Variants in S100A16 observed in about 807,000 individuals in gnomAD.
S100A16 encodes the protein protein S100-A16.
A neutral mutation model predicts 9.0 loss-of-function variants in S100A16; 8 were observed. The ratio of observed to expected loss-of-function variants is 0.89; its 90% CI spans 0.52 to 1.60. S100A16 has a LOEUF of 1.60. Ranked by LOEUF, S100A16 falls within the 40% of genes most tolerant of loss-of-function variation. The probability of loss-of-function intolerance (pLI) is 0.00; values close to 1 mark genes in which losing one functional copy is unlikely to be tolerated. For missense variants in S100A16, 138 were observed against 132.4 expected (o/e 1.04, Z -0.21); for synonymous variants, 51 against 51.4 (o/e 0.99, Z 0.04).
At position 153,607,081 on chromosome 1, in the gene S100A16, A is replaced by C; in HGVS notation, c.*453T>G. The C allele has an allele frequency of 2.3e-6, 1 of 429,556 alleles. No individual in the cohort carries two copies. The highest frequency in any genetic ancestry group is 4.7e-6 in the Non-Finnish European group (1 of 214,856). The allele number at this position is 429,556 out of a possible 1,614,324, so 26.6% of individuals were successfully genotyped here. On this transcript the variant is annotated 3_prime_UTR_variant, in exon 3 of 3. Coordinates refer to ENST00000368706, the MANE Select transcript of S100A16 (RefSeq NM_080388.3). ...TCTACCCAGCAGAGGGGCTAAGGGA[A>C]AGTGGAGAGGTCTCTGCTGCTGCTG...
In S100A16 at chr1:153,606,996, C is replaced by A; in HGVS notation, c.*538G>T. On this transcript the variant is annotated 3_prime_UTR_variant, in exon 3 of 3. Transcript: ENST00000368706. Reference sequence around the variant, plus strand: ...TTTCAAGCAACAGGAGGAGGCTCAGCCTTGCTTAGCTCATTCCCAGATGAA... The same window carrying A: ...TTTCAAGCAACAGGAGGAGGCTCAGACTTGCTTAGCTCATTCCCAGATGAA... The A allele has an allele frequency of 3.6e-6, 1 of 278,500 alleles. No individual in the cohort carries two copies. Among genetic ancestry groups the A allele is most frequent in the Non-Finnish European group, 7.3e-6 (1 of 137,842 alleles). 17.3% of individuals were successfully genotyped at this position (278,500 alleles called of 1,614,324 possible). A position where few individuals can be genotyped will look rare whatever the true frequency, so the allele number is the denominator to read the frequency against.
At chr1:153,612,578 T>A (rs1475440992) in intron 1 of S100A16, among the ~76,000 whole-genome samples, 8 of 152,076 alleles carry the variant, frequency 5.3e-5, no homozygotes. Flanking sequence ...GCAAGGCCTG[T>A]GTCCAAGCTC....
At chr1:153,608,245 C>T in intron 1 of S100A16, 68 bp from the exon 2 acceptor site, 3 of 1,387,618 alleles carry the variant, frequency 2.2e-6, no homozygotes, top group South Asian at 2.6e-5. Context: ...CCTCCACACC[C>T]ACCCTAGGCC....
chr1:153,607,927 C>A, intron 2 of S100A16, 72 bp downstream of exon 2: 6 of 1,504,494 alleles, frequency 4.0e-6, no homozygotes, highest in Non-Finnish European at 5.5e-6. Context: ...GGGAAAGACA[C>A]CCTCAGAGGC....
At chr1:153,607,936 G>T in intron 2 of S100A16, 63 bp downstream of exon 2, 1 of 1,541,864 alleles carries the variant, frequency 6.5e-7, no homozygotes, top group Non-Finnish European at 8.9e-7. Context: ...ACCCTCAGAG[G>T]CCAGAGGCTT....
intron 1 of S100A16, among the ~76,000 whole-genome samples, chr1:153,610,287 C>G (rs1344605235): frequency 6.6e-6 from 1 of 152,164 alleles, no homozygotes; most frequent in Non-Finnish European, 1.5e-5. Context: ...GAGAAACTCC[C>G]CACACTTAAC....
intron 1 of S100A16, among the ~76,000 whole-genome samples, chr1:153,609,729 G>A (rs992672454): frequency 3.9e-5 from 6 of 152,146 alleles, no homozygotes; most frequent in African/African-American, 1.2e-4. Flanking sequence ...CAAGGTACAC[G>A]TTCTATAAAT....
In S100A16 at chr1:153,608,050, G is replaced by A; in HGVS notation, c.102C>T (p.Ser34=). 3.1e-6 allele frequency: 5 copies of A among 1,614,076 alleles called. No homozygotes were observed. The highest frequency in any genetic ancestry group is 2.2e-5 in the East Asian group (1 of 44,880). ...GGAGCATCTCGCGGAAGCTGCTCTT[G>A]CTGATCTTGTTCTTGACCAGGCTGT... ...SKYSLVKNKI[S]KSSFREMLQK... The change falls in exon 2 of 3, where the codon AGC becomes AGT. Residue 34 remains serine, a synonymous_variant. Coordinates refer to ENST00000368706, the MANE Select transcript of S100A16 (RefSeq NM_080388.3).
In S100A16 at chr1:153,607,315, A is replaced by G; in HGVS notation, c.*219T>C. ...ATTGAGATCTCACAGAGGGGCCCCA[A>G]GGGCCTGCGACTCCAGGAGCTGAGA... On this transcript the variant is annotated 3_prime_UTR_variant, in exon 3 of 3. Coordinates refer to ENST00000368706, the MANE Select transcript of S100A16 (RefSeq NM_080388.3). 1.6e-6 allele frequency: 1 copy of G among 616,112 alleles called. No individual in the cohort carries two copies. Among genetic ancestry groups the G allele is most frequent in the Non-Finnish European group, 2.8e-6 (1 of 354,000 alleles). 38.2% of individuals were successfully genotyped at this position (616,112 alleles called of 1,614,324 possible).
At chr1:153,607,749 G>A (rs1666729715) in intron 2 of S100A16, 57 bp from the exon 3 acceptor site, 5 of 1,601,450 alleles carry the variant, frequency 3.1e-6, no homozygotes, top group Admixed American at 1.7e-5. Context: ...GAGACTCCAG[G>A]CAGGACCCTA....
chr1:153,610,456 T>C (rs1398512709), intron 1 of S100A16, among the ~76,000 whole-genome samples: 1 of 152,130 alleles, frequency 6.6e-6, no homozygotes, highest in African/African-American at 2.4e-5. Flanking sequence ...CTCTGAGCTG[T>C]CTCCTCCTGG....
chr1:153,609,056 A>G, intron 1 of S100A16: 2 of 985,738 alleles, frequency 2.0e-6, no homozygotes, highest in Non-Finnish European at 2.4e-6. Flanking sequence ...TGAGGGGAGC[A>G]GGCGGATCTG....
At chr1:153,608,682 G>T (rs968754066) in intron 1 of S100A16, among the ~76,000 whole-genome samples, 28 of 152,220 alleles carry the variant, frequency 1.8e-4, no homozygotes, top group African/African-American at 6.5e-4. Flanking sequence ...GGAAGATGTA[G>T]GCCTTCCCCA....
chr1:153,611,428 C>T (rs1666833237), intron 1 of S100A16, among the ~76,000 whole-genome samples: 1 of 152,000 alleles, frequency 6.6e-6, no homozygotes, highest in African/African-American at 2.4e-5. Flanking sequence ...AGACTCCTGT[C>T]CCTCCTGGTC....
Position 153,607,317 on chromosome 1 carries a change from G to T in S100A16, c.*217C>A. 1.6e-6 allele frequency: 1 copy of T among 618,556 alleles called. No homozygotes were observed. The highest frequency in any genetic ancestry group is 2.8e-6 in the Non-Finnish European group (1 of 356,106). 38.3% of individuals were successfully genotyped at this position (618,556 alleles called of 1,614,324 possible). A position where few individuals can be genotyped will look rare whatever the true frequency, so the allele number is the denominator to read the frequency against. On this transcript the variant is annotated 3_prime_UTR_variant, in exon 3 of 3. Coordinates refer to ENST00000368706, the MANE Select transcript of S100A16 (RefSeq NM_080388.3). ...TGAGATCTCACAGAGGGGCCCCAAG[G>T]GCCTGCGACTCCAGGAGCTGAGACC... is the stretch of plus-strand genomic sequence containing the variant.
At chr1:153,609,090 C>T in intron 1 of S100A16, 1 of 985,764 alleles carries the variant, frequency 1.0e-6, no homozygotes, top group Non-Finnish European at 1.2e-6. Flanking sequence ...AGTCACGGCC[C>T]ATGCCCAAAA....
In S100A16 at chr1:153,608,291, GAGA is replaced by G. The variant is rs989705690; in HGVS notation, c.-26-117_-26-115del. On this transcript the variant is annotated intron_variant, in intron 1 of 2. Coordinates refer to ENST00000368706, the MANE Select transcript of S100A16 (RefSeq NM_080388.3). ...CCTCCTGCCTTGTTTCTGGTCCCTG[GAGA>G]AGAAGGTGGCAGGAAAAGGGGAACA... is the stretch of plus-strand genomic sequence containing the variant. The G allele has an allele frequency of 7.7e-4, 651 of 846,452 alleles. 5 individuals carry two copies. The East Asian group carries it at 0.012, about 16-fold the overall frequency. 52.4% of individuals were successfully genotyped at this position (846,452 alleles called of 1,614,324 possible). A position where few individuals can be genotyped will look rare whatever the true frequency, so the allele number is the denominator to read the frequency against.
intron 1 of S100A16, chr1:153,609,443 G>T: frequency 1.2e-6 from 1 of 815,278 alleles, no homozygotes; most frequent in Non-Finnish European, 1.5e-6. Context: ...CCCTGCACTG[G>T]GTGCCATCCT....
Position 153,607,112 on chromosome 1 carries a change from GC to G in S100A16, c.*421del. 1 of 453,956 alleles carries G rather than the reference GC, an allele frequency of 2.2e-6. No homozygotes were observed. Among genetic ancestry groups the G allele is most frequent in the Non-Finnish European group, 4.4e-6 (1 of 226,178 alleles). The allele number at this position is 453,956 out of a possible 1,614,324, so 28.1% of individuals were successfully genotyped here. On this transcript the variant is annotated 3_prime_UTR_variant, in exon 3 of 3. Transcript: ENST00000368706. Reference sequence around the variant, plus strand: ...AGAGGTCTCTGCTGCTGCTGCTGCTGCTGCTGCTGCTGTTGCTGCTACCACT... The same window carrying G: ...AGAGGTCTCTGCTGCTGCTGCTGCTGTGCTGCTGCTGTTGCTGCTACCACT...
Sources: allele counts gnomAD v4.1 joint callset (sites outside exome capture counted in the v4.1 genomes callset), GRCh38; gene constraint gnomAD v4.1.1; transcripts MANE v1.5; gene names NCBI Gene and HGNC (gene_info 2026-07-23, HGNC 2026-07-21).